ERBB4: variants seen among roughly 807,000 people sequenced by gnomAD.
ERBB4 encodes erb-b2 receptor tyrosine kinase 4.
ERBB4 carries 42 observed loss-of-function variants against 158.0 expected under a neutral mutation model. The observed-to-expected ratio is 0.27, with a 90% CI of 0.21 to 0.34. The LOEUF is 0.34. ERBB4 is among the 10% of genes least tolerant of loss of function. ERBB4 has a pLI of 1.00. For missense variants in ERBB4, 1,333 were observed against 1,624.1 expected, an observed-to-expected ratio of 0.82 and a Z score of 3.08; for synonymous variants, 583 against 558.7, an observed-to-expected ratio of 1.04 and a Z score of -0.61.
intron 1 of ERBB4, among the ~76,000 whole-genome samples, chr2:212,437,037 G>T (rs1203017831): frequency 1.3e-5 from 2 of 152,118 alleles, no homozygotes; most frequent in South Asian, 2.1e-4. Context: ...AAACGCCAAA[G>T]ACTGGTTGTA....
intron 20 of ERBB4, among the ~76,000 whole-genome samples, chr2:211,511,487 T>C (rs919095253): frequency 1.3e-5 from 2 of 152,100 alleles, no homozygotes; most frequent in Non-Finnish European, 2.9e-5. Context: ...GAGAATAATT[T>C]AATGGAAAAT....
chr2:211,392,965 C>A (rs1242225705), intron 25 of ERBB4, among the ~76,000 whole-genome samples: 1 of 152,074 alleles, frequency 6.6e-6, no homozygotes, highest in Non-Finnish European at 1.5e-5. Context: ...GGCTCTCATT[C>A]TTTATCCACT....
At chr2:212,408,799 C>T (rs138746366) in intron 1 of ERBB4, among the ~76,000 whole-genome samples, 1 of 152,098 alleles carries the variant, frequency 6.6e-6, no homozygotes, top group African/African-American at 2.4e-5. Flanking sequence ...AGATTGGGAA[C>T]CAGAATTTTA....
At chr2:212,502,282 G>GA (rs1218722832) in intron 1 of ERBB4, among the ~76,000 whole-genome samples, 1 of 152,108 alleles carries the variant, frequency 6.6e-6, no homozygotes, top group East Asian at 1.9e-4. Context: ...AATCATCATA[G>GA]AAAAAAGTGT....
intron 19 of ERBB4, among the ~76,000 whole-genome samples, chr2:211,595,740 G>C (rs1216961052): frequency 6.6e-6 from 1 of 152,106 alleles, no homozygotes; most frequent in Non-Finnish European, 1.5e-5. Context: ...GTATTAGCAG[G>C]TTTCACATAT....
chr2:212,361,475 T>C (rs1023069806), intron 1 of ERBB4, among the ~76,000 whole-genome samples: 1 of 151,584 alleles, frequency 6.6e-6, no homozygotes, highest in Non-Finnish European at 1.5e-5. Context: ...TAACTGCAAT[T>C]TTGACCTTCC....
chr2:211,939,390 AT>A (rs550998240), intron 3 of ERBB4, among the ~76,000 whole-genome samples: 289 of 146,362 alleles, frequency 2.0e-3, no homozygotes, highest in East Asian at 0.01. Flanking sequence ...TCTGAAACAG[AT>A]TTTTTTTTTT....
chr2:211,874,485 G>A (rs1192316838), intron 3 of ERBB4, among the ~76,000 whole-genome samples: 1 of 152,102 alleles, frequency 6.6e-6, no homozygotes, highest in Non-Finnish European at 1.5e-5. Flanking sequence ...TTCAAATAAT[G>A]AATTTTAAAG....
chr2:211,972,982 C>A (rs1471312981), intron 2 of ERBB4, among the ~76,000 whole-genome samples: 2 of 151,148 alleles, frequency 1.3e-5, no homozygotes, highest in African/African-American at 4.9e-5. Flanking sequence ...ATGGGAGAAA[C>A]AACCTAAAAA....
At chr2:211,750,134 A>G (rs992941010) in intron 5 of ERBB4, among the ~76,000 whole-genome samples, 4 of 152,232 alleles carry the variant, frequency 2.6e-5, no homozygotes, top group Non-Finnish European at 5.9e-5. Flanking sequence ...AACTAAGGGC[A>G]ATAGTCATTG....
intron 19 of ERBB4, among the ~76,000 whole-genome samples, chr2:211,595,892 C>G (rs1016361084): frequency 4.6e-5 from 7 of 152,108 alleles, no homozygotes; most frequent in Non-Finnish European, 8.8e-5. Flanking sequence ...GGTCCTGGAA[C>G]CAATCCCTCC....
At chr2:211,809,392 T>C (rs1281642762) in intron 3 of ERBB4, among the ~76,000 whole-genome samples, 2 of 152,230 alleles carry the variant, frequency 1.3e-5, no homozygotes, top group Non-Finnish European at 2.9e-5. Context: ...ATTCAGAGAT[T>C]CAACTTCTTC....
chr2:212,150,961 C>T (rs962964854), intron 1 of ERBB4, among the ~76,000 whole-genome samples: 4 of 152,186 alleles, frequency 2.6e-5, no homozygotes, highest in Non-Finnish European at 4.4e-5. Flanking sequence ...TGGCCATAAC[C>T]CTAACCTTCT....
intron 1 of ERBB4, among the ~76,000 whole-genome samples, chr2:212,220,957 G>T (rs1460649122): frequency 2.6e-5 from 4 of 151,404 alleles, no homozygotes; most frequent in Admixed American, 2.0e-4. Context: ...AACCTAGCAG[G>T]TGTTCCATAT....
chr2:212,130,410 G>A (rs557320847), intron 1 of ERBB4, among the ~76,000 whole-genome samples: 140 of 151,988 alleles, frequency 9.2e-4, no homozygotes, highest in Non-Finnish European at 4.3e-4. Context: ...ATCCAACAGC[G>A]TGTGAACCAT....
rs575133148 is a variant in ERBB4 at position 211,534,012 on chromosome 2, C to T, written c.2487+27891G>A. Among the ~76,000 whole-genome samples, 20 of 152,172 alleles carry T rather than the reference C, an allele frequency of 1.3e-4. No homozygotes were observed. The South Asian group carries it at 2.9e-3, about 22-fold the overall frequency. On this transcript the variant is annotated intron_variant, in intron 20 of 27. Coordinates refer to ENST00000342788, the MANE Select transcript of ERBB4 (RefSeq NM_005235.3). ...AGTGCTCCCATAACCATTGCTCCAACGTAACTAATTATATATCATTGCTAG... is the reference window on the plus strand; with the variant it reads ...AGTGCTCCCATAACCATTGCTCCAATGTAACTAATTATATATCATTGCTAG...
intron 3 of ERBB4, among the ~76,000 whole-genome samples, chr2:211,810,243 G>C (rs995650692): frequency 4.6e-5 from 7 of 152,084 alleles, no homozygotes; most frequent in Non-Finnish European, 7.4e-5. Context: ...CCTGGATATC[G>C]TTGTTAACCT....
intron 3 of ERBB4, among the ~76,000 whole-genome samples, chr2:211,875,888 C>T (rs1270229306): frequency 2.0e-5 from 3 of 152,112 alleles, no homozygotes; most frequent in East Asian, 3.9e-4. Flanking sequence ...TGGTAGCATG[C>T]TGCACTGGTT....
At chr2:211,959,322 A>C (rs2081115615) in intron 2 of ERBB4, among the ~76,000 whole-genome samples, 1 of 152,110 alleles carries the variant, frequency 6.6e-6, no homozygotes, top group African/African-American at 2.4e-5. Context: ...TGCCACTAAG[A>C]AAATGATGGC....
Sources: gnomAD v4.1 joint callset for allele counts (sites outside exome capture counted in the v4.1 genomes callset) on GRCh38, gnomAD v4.1.1 for gene constraint, MANE v1.5 for transcripts, NCBI Gene and HGNC (gene_info 2026-07-23, HGNC 2026-07-21) for gene names.